Variants in ENTHD1 observed in about 807,000 individuals in gnomAD.
ENTHD1 encodes ENTH domain containing 1, also known as ENTH domain-containing protein 1.
In ENTHD1, 23 loss-of-function variants were observed where a neutral mutation model predicts 39.1. That is an observed-to-expected ratio of 0.59 (90% CI 0.42 to 0.83). ENTHD1 has a LOEUF of 0.83. Among genes scored for constraint, ENTHD1 ranks in the 40% least tolerant of loss-of-function variants. ENTHD1 has a pLI of 0.00. For missense variants in ENTHD1, 624 were observed against 705.4 expected (o/e 0.88, Z 1.31); for synonymous variants, 230 against 258.2 (o/e 0.89, Z 1.05).
chr22:39,752,339 T>A (rs1033150523), intron 6 of ENTHD1, among the ~76,000 whole-genome samples: 5 of 152,184 alleles, frequency 3.3e-5, no homozygotes, highest in Admixed American at 6.5e-5. Context: ...TCCATTTATA[T>A]GAAATGTTTA....
chr22:39,869,762 T>TAA (rs1212136913), intron 2 of ENTHD1, among the ~76,000 whole-genome samples: 1 of 151,398 alleles, frequency 6.6e-6, no homozygotes, highest in African/African-American at 2.4e-5. Flanking sequence ...GATTTTTAAA[T>TAA]AAAGAGATTA....
At chr22:39,780,011 G>T (rs1235137682) in intron 5 of ENTHD1, among the ~76,000 whole-genome samples, 1 of 152,122 alleles carries the variant, frequency 6.6e-6, no homozygotes, top group Admixed American at 6.5e-5. Flanking sequence ...CGCAAAAGAA[G>T]ATAGAAGTTA....
intron 5 of ENTHD1, among the ~76,000 whole-genome samples, chr22:39,799,669 A>T (rs1189138897): frequency 1.3e-5 from 2 of 152,192 alleles, no homozygotes; most frequent in Non-Finnish European, 2.9e-5. Flanking sequence ...TCCAGTGCGC[A>T]TGCAAGCTCT....
At chr22:39,876,530 A>G (rs35866486) in intron 2 of ENTHD1, among the ~76,000 whole-genome samples, 1,871 of 151,920 alleles carry the variant, frequency 0.012, 35 homozygotes, top group African/African-American at 0.042. Flanking sequence ...AAAAAAAAAA[A>G]AAAAGAAATT....
chr22:39,847,098 T>C (rs1445406037), intron 3 of ENTHD1, among the ~76,000 whole-genome samples: 3 of 151,956 alleles, frequency 2.0e-5, no homozygotes, highest in African/African-American at 7.3e-5. Context: ...CTATTCACAA[T>C]AGCAAAGACT....
chr22:39,831,266 G>A (rs751290399), intron 4 of ENTHD1, among the ~76,000 whole-genome samples: 1 of 152,102 alleles, frequency 6.6e-6, no homozygotes, highest in African/African-American at 2.4e-5. Flanking sequence ...AGCATCCTTT[G>A]GTCTAGGGAC....
At chr22:39,752,884 G>T (rs2065157993) in intron 6 of ENTHD1, among the ~76,000 whole-genome samples, 1 of 152,190 alleles carries the variant, frequency 6.6e-6, no homozygotes, top group South Asian at 2.1e-4. Context: ...CTCAGGCTTT[G>T]CCAAGACACT....
intron 5 of ENTHD1, among the ~76,000 whole-genome samples, chr22:39,798,607 A>T (rs146682030): frequency 6.6e-6 from 1 of 152,302 alleles, no homozygotes; most frequent in Non-Finnish European, 1.5e-5. Context: ...CAAGTCAGCC[A>T]GTCCTTGGGC....
intron 5 of ENTHD1, among the ~76,000 whole-genome samples, chr22:39,777,066 C>T (rs1323182580): frequency 6.6e-6 from 1 of 152,090 alleles, no homozygotes; most frequent in Non-Finnish European, 1.5e-5. Context: ...AGATGGATGC[C>T]AAAATATGTC....
chr22:39,757,274 G>A (rs756859298), intron 6 of ENTHD1, among the ~76,000 whole-genome samples: 3 of 151,896 alleles, frequency 2.0e-5, no homozygotes, highest in South Asian at 2.1e-4. Context: ...ATTTATTATT[G>A]TTGTTTGTTT....
intron 4 of ENTHD1, among the ~76,000 whole-genome samples, chr22:39,830,822 C>T (rs1280824917): frequency 1.3e-5 from 2 of 152,182 alleles, no homozygotes; most frequent in African/African-American, 2.4e-5. Context: ...ATGAGTGAAA[C>T]GGATTTCTAG....
At chr22:39,869,637 TAAA>T (rs75175740) in intron 2 of ENTHD1, among the ~76,000 whole-genome samples, 1 of 119,570 alleles carries the variant, frequency 8.4e-6, no homozygotes, top group African/African-American at 3.0e-5. Context: ...GTTAAAATTG[TAAA>T]AAAAAAAAAA....
chr22:39,864,973 T>A (rs1265003653), intron 2 of ENTHD1, among the ~76,000 whole-genome samples: 1 of 152,196 alleles, frequency 6.6e-6, no homozygotes, highest in South Asian at 2.1e-4. Context: ...CTTCTTGACA[T>A]AGTGTAACTG....
chr22:39,884,625 A>C (rs752136756), intron 2 of ENTHD1, among the ~76,000 whole-genome samples: 8 of 152,212 alleles, frequency 5.3e-5, no homozygotes, highest in Non-Finnish European at 1.0e-4. Context: ...CTACAAAGCT[A>C]CTGTAATCAA....
intron 3 of ENTHD1, among the ~76,000 whole-genome samples, chr22:39,855,429 A>T (rs2066077110): frequency 6.6e-6 from 1 of 152,146 alleles, no homozygotes; most frequent in Non-Finnish European, 1.5e-5. Context: ...ATTCTTTACC[A>T]TTATTGTAGA....
At chr22:39,886,243 C>T (rs1476830720) in intron 2 of ENTHD1, among the ~76,000 whole-genome samples, 1 of 151,926 alleles carries the variant, frequency 6.6e-6, no homozygotes, top group Non-Finnish European at 1.5e-5. Flanking sequence ...CCAGTGGTAG[C>T]CAGGGATTCA....
chr22:39,875,687 G>A (rs2146753721), intron 2 of ENTHD1: 11 of 1,612,162 alleles, frequency 6.8e-6, no homozygotes, highest in East Asian at 4.5e-5. Flanking sequence ...CAAGAATGCC[G>A]TCACCCAGTT....
At chr22:39,857,602 G>A (rs933044722) in intron 3 of ENTHD1, among the ~76,000 whole-genome samples, 5 of 152,090 alleles carry the variant, frequency 3.3e-5, no homozygotes, top group Non-Finnish European at 7.4e-5. Flanking sequence ...GTTTGCTCCA[G>A]TTTCAGAGCA....
chr22:39,890,376 T>A (rs574109178), intron 1 of ENTHD1, among the ~76,000 whole-genome samples: 14 of 152,050 alleles, frequency 9.2e-5, no homozygotes, highest in African/African-American at 3.4e-4. Flanking sequence ...TTTTTTTCTA[T>A]TGTCCTTTTT....
Sources: gnomAD v4.1 joint callset for allele counts (sites outside exome capture counted in the v4.1 genomes callset) on GRCh38, gnomAD v4.1.1 for gene constraint, MANE v1.5 for transcripts, NCBI Gene and HGNC (gene_info 2026-07-23, HGNC 2026-07-21) for gene names.